CAGE1: variants seen among roughly 807,000 people sequenced by gnomAD.
CAGE1 encodes the protein cancer antigen 1.
In CAGE1, 66 loss-of-function variants were observed where a neutral mutation model predicts 94.9. The observed-to-expected ratio is 0.70, with a 90% CI of 0.57 to 0.85. The LOEUF (loss-of-function observed/expected upper bound fraction) is 0.85. CAGE1 is among the 40% of genes least tolerant of loss of function. The pLI is 0.00. For missense variants in CAGE1, 865 were observed against 950.4 expected, an observed-to-expected ratio of 0.91 and a Z score of 1.18; for synonymous variants, 319 against 321.0, an observed-to-expected ratio of 0.99 and a Z score of 0.07.
rs201594718 is a variant in CAGE1 at position 7,365,442 on chromosome 6, G to T, written c.2193+26C>A. On this transcript the variant is annotated intron_variant, in intron 9 of 13. Coordinates refer to ENST00000502583, the MANE Select transcript of CAGE1 (RefSeq NM_001170692.2). ...AATAATGTTGTGTATAAAAATAATA[G>T]CAAGGTAAAAAAAGGTCTTTCTTAC... 4.7e-5 allele frequency: 74 copies of T among 1,572,084 alleles called. No homozygotes were observed. The East Asian group carries it at 1.7e-3, about 35-fold the overall frequency.
chr6:7,348,725 A>G (rs2113392442), intron 11 of CAGE1, among the ~76,000 whole-genome samples: 1 of 152,276 alleles, frequency 6.6e-6, no homozygotes, highest in Admixed American at 6.5e-5. Flanking sequence ...AGAAAAAAAA[A>G]CTTCAGGAAA....
Position 7,339,631 on chromosome 6 carries a change from T to C in CAGE1, c.2370-5541A>G, listed in dbSNP as rs914943261. The C allele has an allele frequency of 2.6e-5, 17 of 650,112 alleles. No individual in the cohort carries two copies. The highest frequency in any genetic ancestry group is 2.8e-5 in the Non-Finnish European group (10 of 359,050). The allele number at this position is 650,112 out of a possible 1,614,324, so 40.3% of individuals were successfully genotyped here. A position where few individuals can be genotyped will look rare whatever the true frequency, so the allele number is the denominator to read the frequency against. On this transcript the variant is annotated intron_variant, in intron 11 of 13. Coordinates refer to ENST00000502583, the MANE Select transcript of CAGE1 (RefSeq NM_001170692.2). This position sits in a 1 kb window ranked among gnomAD's most constrained non-coding sequence, Gnocchi z 4.7. ...TCATTCTTATGCCTTTGTGTCCTCA[T>C]AGCTTAGCTCCCACTTATGAGTGAG...
At chr6:7,377,395 A>C (rs1226610425) in intron 4 of CAGE1, among the ~76,000 whole-genome samples, 1 of 152,212 alleles carries the variant, frequency 6.6e-6, no homozygotes, top group Non-Finnish European at 1.5e-5. Context: ...GAAAATGCTC[A>C]TACTTGTAAA....
Position 7,339,082 on chromosome 6 carries a change from G to C in CAGE1, c.2370-4992C>G, listed in dbSNP as rs1163103903. On this transcript the variant is annotated intron_variant, in intron 11 of 13. Coordinates refer to ENST00000502583, the MANE Select transcript of CAGE1 (RefSeq NM_001170692.2). The surrounding 1 kb of genome is among the most constrained non-coding windows in gnomAD (Gnocchi z 4.7). ...GCAGTGTCAACGTAGTAGTTAACAG[G>C]GTCTCTGCTGTGGATCATCAGGCCG... 1.3e-5 allele frequency: 21 copies of C among 1,598,584 alleles called. No homozygotes were observed. Among genetic ancestry groups the C allele is most frequent in the South Asian group, 3.3e-5 (3 of 90,660 alleles).
chr6:7,342,728 A>C (rs560969658), intron 11 of CAGE1, among the ~76,000 whole-genome samples: 1 of 152,242 alleles, frequency 6.6e-6, no homozygotes, highest in South Asian at 2.1e-4. Context: ...GCTTAAGCCA[A>C]TGTCGAGAAG....
At chr6:7,341,142 G>T in intron 11 of CAGE1, 1 of 565,916 alleles carries the variant, frequency 1.8e-6, no homozygotes, top group Non-Finnish European at 3.5e-6. Context: ...CCCACAGCCG[G>T]TAGTTATTGG....
chr6:7,362,914 T>C lies in CAGE1; in HGVS notation c.2193+2554A>G, dbSNP rs1006325669. Among the ~76,000 whole-genome samples, 3 of 151,998 alleles carry C rather than the reference T, an allele frequency of 2.0e-5. No individual in the cohort carries two copies. The highest frequency in any genetic ancestry group is 7.2e-5 in the African/African-American group (3 of 41,380). On this transcript the variant is annotated intron_variant, in intron 9 of 13. Coordinates refer to ENST00000502583, the MANE Select transcript of CAGE1 (RefSeq NM_001170692.2). The surrounding 1 kb of genome is among the most constrained non-coding windows in gnomAD (Gnocchi z 4.1). ...ATGCCACCTTTTTGTTCTCCTGGAG[T>C]ACTTTAAAGCAAACCTTGCCATCAT...
At chr6:7,365,651 A>G in intron 8 of CAGE1, 76 bp from the exon 9 acceptor site, 1 of 1,494,018 alleles carries the variant, frequency 6.7e-7, no homozygotes, top group East Asian at 2.4e-5. Context: ...ATACTTTATT[A>G]GTTTAAAAAT....
intron 4 of CAGE1, among the ~76,000 whole-genome samples, chr6:7,378,249 T>C (rs914584062): frequency 6.6e-6 from 1 of 152,178 alleles, no homozygotes; most frequent in African/African-American, 2.4e-5. Flanking sequence ...ATATAGACGC[T>C]GTGGTGCATA....
At chr6:7,374,749 G>A (rs1760676871) in intron 4 of CAGE1, among the ~76,000 whole-genome samples, 1 of 152,168 alleles carries the variant, frequency 6.6e-6, no homozygotes, top group Admixed American at 6.5e-5. Context: ...AAGACAGTAG[G>A]CCGGGCGAGG....
intron 7 of CAGE1, 28 bp downstream of exon 7, chr6:7,368,660 A>T (rs960334877): frequency 5.1e-6 from 6 of 1,181,578 alleles, no homozygotes; most frequent in Admixed American, 2.8e-5. Flanking sequence ...AAATAATAAA[A>T]TTTTTAGAAG....
At chr6:7,350,419 T>C (rs1759729397) in intron 11 of CAGE1, among the ~76,000 whole-genome samples, 1 of 152,150 alleles carries the variant, frequency 6.6e-6, no homozygotes, top group African/African-American at 2.4e-5. Flanking sequence ...ACTTAACAGA[T>C]ATATACAGAA....
Position 7,373,113 on chromosome 6 carries a change from T to C in CAGE1, c.1706A>G (p.Lys569Arg). The C allele has an allele frequency of 3.1e-6, 5 of 1,612,064 alleles. No homozygotes were observed. The highest frequency in any genetic ancestry group is 1.7e-4 in the Middle Eastern group (1 of 6,032). ...YVPKFETAQL[K>R]DQLEEVLKSD... The stretch of plus-strand genomic sequence containing the variant: ...CTTCAAGACTTCCTCTAATTGATCC[T>C]TTAACTGAGCTGTCTCAAATTTAGG... The change falls in exon 5 of 14, where the codon AAG (lysine) becomes AGG (arginine). Residue 569 changes from lysine to arginine, a missense_variant. Physicochemically the swap from Lys to Arg is conservative, Grantham distance 26. Coordinates refer to ENST00000502583, the MANE Select transcript of CAGE1 (RefSeq NM_001170692.2).
chr6:7,327,574 A>G (rs1301787988), intron 13 of CAGE1, among the ~76,000 whole-genome samples: 1 of 152,222 alleles, frequency 6.6e-6, no homozygotes, highest in Non-Finnish European at 1.5e-5. Context: ...AGATGTAGAA[A>G]AAGGAATAGA....
rs1328197247 is a variant in CAGE1, at chr6:7,339,953, T to C, written c.2370-5863A>G. On this transcript the variant is annotated intron_variant, in intron 11 of 13. Coordinates refer to ENST00000502583, the MANE Select transcript of CAGE1 (RefSeq NM_001170692.2). The surrounding 1 kb of genome is among the most constrained non-coding windows in gnomAD (Gnocchi z 4.7). ...GATACCCAGTAGTGGGATTTCTGGA[T>C]CAAATGGTAGTTCTACTTTTAGTTC... is the stretch of plus-strand genomic sequence containing the variant. 6.6e-6 allele frequency among the ~76,000 whole-genome samples: 1 copy of C among 152,234 alleles called. No individual in the cohort carries two copies.
At chr6:7,386,476 C>T (rs1164512911) in intron 2 of CAGE1, among the ~76,000 whole-genome samples, 1 of 152,164 alleles carries the variant, frequency 6.6e-6, no homozygotes, top group African/African-American at 2.4e-5. Flanking sequence ...CATTTGCATA[C>T]TGATGTAAGT....
intron 3 of CAGE1, among the ~76,000 whole-genome samples, chr6:7,384,691 A>T (rs1761053503): frequency 6.6e-6 from 1 of 151,850 alleles, no homozygotes; most frequent in African/African-American, 2.4e-5. Context: ...AGAATAACAG[A>T]TTTGGGGTTA....
At chr6:7,329,386 C>T (rs1209537192) in intron 13 of CAGE1, 2 of 340,354 alleles carry the variant, frequency 5.9e-6, no homozygotes, top group Non-Finnish European at 1.1e-5. Context: ...AGGGCTGGAG[C>T]CAGATCATAG....
rs538102258 is a variant in CAGE1 at position 7,343,443 on chromosome 6, T to C, written c.2370-9353A>G. On this transcript the variant is annotated intron_variant, in intron 11 of 13. Coordinates refer to ENST00000502583, the MANE Select transcript of CAGE1 (RefSeq NM_001170692.2). ...TGATCATTCTGTACTCAAAGTATCA[T>C]GAAACTTAGAAAGAAAGGTTGTGGA... 2.0e-5 allele frequency among the ~76,000 whole-genome samples: 3 copies of C among 152,316 alleles called. No homozygotes were observed. The South Asian group carries it at 6.2e-4, about 32-fold the overall frequency.
Sources: allele counts gnomAD v4.1 joint callset (sites outside exome capture counted in the v4.1 genomes callset), GRCh38; gene constraint gnomAD v4.1.1; non-coding constraint Gnocchi (gnomAD v3.1); transcripts MANE v1.5; gene names NCBI Gene and HGNC (gene_info 2026-07-23, HGNC 2026-07-21).